CRPPA: variants seen among roughly 807,000 people sequenced by gnomAD.
CRPPA encodes the protein D-ribitol-5-phosphate cytidylyltransferase.
Under a neutral mutation model 52.0 loss-of-function variants are expected in CRPPA, and 43 were observed. That is an observed-to-expected ratio of 0.83 (90% CI 0.65 to 1.07). The LOEUF (loss-of-function observed/expected upper bound fraction) is 1.07. Among genes scored for constraint, CRPPA ranks in the 50% least tolerant of loss-of-function variants. The probability of loss-of-function intolerance (pLI) is 0.00; values close to 1 mark genes in which losing one functional copy is unlikely to be tolerated. For synonymous variants in CRPPA, 250 were observed against 203.5 expected, an observed-to-expected ratio of 1.23 and a Z score of -1.94; for missense variants, 629 against 551.7, an observed-to-expected ratio of 1.14 and a Z score of -1.40.
intron 5 of CRPPA, among the ~76,000 whole-genome samples, chr7:16,291,383 C>T (rs1288074849): frequency 1.3e-5 from 2 of 151,826 alleles, no homozygotes; most frequent in Non-Finnish European, 2.9e-5. Flanking sequence ...GCATACTACA[C>T]AATGGAATAC....
chr7:16,126,558 T>C (rs1316262522), intron 9 of CRPPA, among the ~76,000 whole-genome samples: 1 of 152,194 alleles, frequency 6.6e-6, no homozygotes, highest in African/African-American at 2.4e-5. Context: ...AAAATGTTCC[T>C]AATATAAGGT....
chr7:16,185,570 A>G (rs1052300005), intron 9 of CRPPA, among the ~76,000 whole-genome samples: 7 of 152,180 alleles, frequency 4.6e-5, no homozygotes, highest in African/African-American at 1.7e-4. Context: ...GCTTCTCCTA[A>G]TCTGGATAAC....
rs7782939 is a variant in CRPPA, at chr7:16,421,268, T to G, written c.55A>C (p.Ser19Arg). The G allele has an allele frequency of 0.3, 394,087 of 1,297,340 alleles. 60,694 individuals are homozygous for G. Among genetic ancestry groups the G allele is most frequent in the South Asian group, 0.34 (13,226 of 38,600 alleles). The allele number at this position is 1,297,340 out of a possible 1,614,324, so 80.4% of individuals were successfully genotyped here. A position where few individuals can be genotyped will look rare whatever the true frequency, so the allele number is the denominator to read the frequency against. Residue 19 changes from serine to arginine, a missense_variant, in exon 1 of 10, where the codon AGT becomes CGT. Physicochemically the swap from Ser to Arg is moderately radical, Grantham distance 110. Coordinates refer to ENST00000407010, the MANE Select transcript of CRPPA (RefSeq NM_001101426.4). ...GTGTGGTCCGCGCCGCGCTGACCAC[T>G]CAGGCAAGGACCCGGCTCCGCCGGC... ...ARPAEPGPCL[S>R]GQRGADHTAS...
chr7:16,364,796 G>T (rs1786550121), intron 3 of CRPPA, among the ~76,000 whole-genome samples: 1 of 152,062 alleles, frequency 6.6e-6, no homozygotes. Flanking sequence ...ATTTTGTCAT[G>T]GCTTGATTTT....
chr7:16,183,121 C>G (rs1781443643), intron 9 of CRPPA, among the ~76,000 whole-genome samples: 1 of 152,098 alleles, frequency 6.6e-6, no homozygotes. Flanking sequence ...AGGTAGCTAG[C>G]TCTTCACATT....
In CRPPA at chr7:16,233,248, G is replaced by A. The variant is rs1247699730; in HGVS notation, c.1120-17051C>T. Among the ~76,000 whole-genome samples the A allele has an allele frequency of 3.9e-5, 6 of 152,134 alleles. No homozygotes were observed. The East Asian group carries it at 1.2e-3, about 29-fold the overall frequency. ...AGGTAATAAGAGTTGCCAGTAAGTT[G>A]GGAAAACAACAGAAAAACATTTGAA... On this transcript the variant is annotated intron_variant, in intron 8 of 9. Coordinates refer to ENST00000407010, the MANE Select transcript of CRPPA (RefSeq NM_001101426.4).
intron 3 of CRPPA, among the ~76,000 whole-genome samples, chr7:16,334,411 C>A (rs1454123568): frequency 2.0e-5 from 3 of 152,158 alleles, no homozygotes; most frequent in East Asian, 1.9e-4. Context: ...ACCCACCTAA[C>A]CCTAGCTGCA....
chr7:16,215,827 T>C (rs913202521), intron 9 of CRPPA, among the ~76,000 whole-genome samples: 6 of 152,222 alleles, frequency 3.9e-5, no homozygotes, highest in African/African-American at 7.2e-5. Flanking sequence ...ACAGTTCTAT[T>C]TGGGATACCT....
chr7:16,097,987 C>T (rs983575188), intron 9 of CRPPA, among the ~76,000 whole-genome samples: 3 of 152,092 alleles, frequency 2.0e-5, no homozygotes, highest in Non-Finnish European at 2.9e-5. Flanking sequence ...AGGATAACTT[C>T]GGGAGAAACT....
chr7:16,357,835 G>A (rs1786342090), intron 3 of CRPPA, among the ~76,000 whole-genome samples: 1 of 152,194 alleles, frequency 6.6e-6, no homozygotes, highest in African/African-American at 2.4e-5. Context: ...CTCCATATCT[G>A]AGCTGCAGCC....
At chr7:16,121,789 G>C (rs1292103299) in intron 9 of CRPPA, among the ~76,000 whole-genome samples, 1 of 152,038 alleles carries the variant, frequency 6.6e-6, no homozygotes, top group East Asian at 1.9e-4. Context: ...CCAGAATCAA[G>C]TTGCTAAAGC....
intron 1 of CRPPA, among the ~76,000 whole-genome samples, chr7:16,416,673 A>C (rs1788202155): frequency 7.5e-6 from 1 of 133,038 alleles, no homozygotes; most frequent in African/African-American, 2.8e-5. Flanking sequence ...CATTTCTACA[A>C]ACAAATACAA....
At chr7:16,120,814 T>C (rs1327528086) in intron 9 of CRPPA, among the ~76,000 whole-genome samples, 1 of 152,044 alleles carries the variant, frequency 6.6e-6, no homozygotes, top group Non-Finnish European at 1.5e-5. Flanking sequence ...TCTTAATAGA[T>C]GATGAAGCAA....
intron 3 of CRPPA, among the ~76,000 whole-genome samples, chr7:16,352,847 C>T (rs79106171): frequency 0.053 from 7,841 of 148,528 alleles, 337 homozygotes; most frequent in East Asian, 0.15. Context: ...ACAACTTAAG[C>T]GACCAAAGGT....
intron 3 of CRPPA, among the ~76,000 whole-genome samples, chr7:16,364,571 T>A (rs909065865): frequency 6.6e-6 from 1 of 152,218 alleles, no homozygotes; most frequent in African/African-American, 2.4e-5. Context: ...GACTTGCAGG[T>A]TGCTCAGTGA....
chr7:16,357,102 G>C (rs1465201401), intron 3 of CRPPA, among the ~76,000 whole-genome samples: 1 of 152,112 alleles, frequency 6.6e-6, no homozygotes, highest in Admixed American at 6.5e-5. Context: ...TTTCCCATGG[G>C]TCCCTCAGGA....
intron 9 of CRPPA, among the ~76,000 whole-genome samples, chr7:16,161,249 CTTG>C (rs2128381990): frequency 6.6e-6 from 1 of 152,284 alleles, no homozygotes; most frequent in South Asian, 2.1e-4. Context: ...AGAGGGTATC[CTTG>C]TCTTCTGCCG....
chr7:16,408,108 TAAA>T (rs912306940), intron 1 of CRPPA, among the ~76,000 whole-genome samples: 10 of 138,644 alleles, frequency 7.2e-5, no homozygotes, highest in South Asian at 2.4e-4. Flanking sequence ...ACTCTGTCTT[TAAA>T]AAAAAAAAAA....
rs942787667 is a variant in CRPPA at position 16,397,803 on chromosome 7, G to A, written c.534+8258C>T. Reference sequence around the variant, plus strand: ...AACACGTCACTGACATGATTGGCACGTGTTTAACATGTGACTGACGTGATC... The same window carrying A: ...AACACGTCACTGACATGATTGGCACATGTTTAACATGTGACTGACGTGATC... On this transcript the variant is annotated intron_variant, in intron 2 of 9. Coordinates refer to ENST00000407010, the MANE Select transcript of CRPPA (RefSeq NM_001101426.4). 5.9e-5 allele frequency among the ~76,000 whole-genome samples: 9 copies of A among 152,202 alleles called. No individual in the cohort carries two copies. The East Asian group carries it at 7.7e-4, about 13-fold the overall frequency.
Sources: allele counts gnomAD v4.1 joint callset (sites outside exome capture counted in the v4.1 genomes callset), GRCh38; gene constraint gnomAD v4.1.1; transcripts MANE v1.5; gene names NCBI Gene and HGNC (gene_info 2026-07-23, HGNC 2026-07-21).